Variants in NFYC observed in about 807,000 individuals in gnomAD.
NFYC encodes the protein CAAT box DNA-binding protein subunit C.
A neutral mutation model predicts 53.1 loss-of-function variants in NFYC; 25 were observed. The observed-to-expected ratio is 0.47, with a 90% CI of 0.34 to 0.66. NFYC has a LOEUF of 0.66. Ranked by LOEUF, NFYC falls within the 30% of genes least tolerant of loss-of-function variation. The pLI is 0.01. For missense variants in NFYC, 260 were observed against 422.7 expected (o/e 0.62, Z 3.38); for synonymous variants, 145 against 152.6 (o/e 0.95, Z 0.37).
intron 2 of NFYC, among the ~76,000 whole-genome samples, chr1:40,742,862 TCTGA>T (rs1362545378): frequency 6.6e-6 from 1 of 152,220 alleles, no homozygotes; most frequent in Non-Finnish European, 1.5e-5. Flanking sequence ...CATCTGCTTC[TCTGA>T]CTGCGCTGCT....
At chr1:40,769,461 G>T in intron 9 of NFYC, 46 bp downstream of exon 9, 1 of 1,548,872 alleles carries the variant, frequency 6.5e-7, no homozygotes, top group African/African-American at 1.4e-5. Context: ...GATTTGCGGG[G>T]CAGGGTAGCA....
At chr1:40,757,413 C>G (rs113261605) in intron 5 of NFYC, 1 of 524,110 alleles carries the variant, frequency 1.9e-6, no homozygotes, top group African/African-American at 1.9e-5. Flanking sequence ...CTCCGCAGAT[C>G]GGACAGAATG....
At chr1:40,752,269 T>A (rs1398289065) in intron 4 of NFYC, among the ~76,000 whole-genome samples, 1 of 152,230 alleles carries the variant, frequency 6.6e-6, no homozygotes, top group Non-Finnish European at 1.5e-5. Flanking sequence ...TTAAGTGCAT[T>A]GTAAAGTTTA....
intron 6 of NFYC, among the ~76,000 whole-genome samples, chr1:40,760,392 C>T (rs1334411353): frequency 6.6e-6 from 1 of 152,146 alleles, no homozygotes; most frequent in Non-Finnish European, 1.5e-5. Context: ...TATGGCAAGA[C>T]CTTGTCTCAA....
At chr1:40,755,683 T>C (rs1313901647) in intron 5 of NFYC, among the ~76,000 whole-genome samples, 1 of 152,234 alleles carries the variant, frequency 6.6e-6, no homozygotes, top group Non-Finnish European at 1.5e-5. Context: ...AGATATGCCT[T>C]CTTCCATTCC....
chr1:40,693,527 T>C (rs1557718267), intron 1 of NFYC, among the ~76,000 whole-genome samples: 1 of 152,252 alleles, frequency 6.6e-6, no homozygotes, highest in Admixed American at 6.5e-5. Context: ...GCAACTACAT[T>C]TTCTGGAGAA....
intron 2 of NFYC, among the ~76,000 whole-genome samples, chr1:40,740,312 A>G (rs1645272184): frequency 2.0e-5 from 3 of 152,238 alleles, no homozygotes; most frequent in South Asian, 2.1e-4. Context: ...AACTAAGGCT[A>G]TGCTAGATAC....
At chr1:40,720,572 T>TAAA (rs1229770228) in intron 1 of NFYC, among the ~76,000 whole-genome samples, 2 of 152,272 alleles carry the variant, frequency 1.3e-5, no homozygotes, top group East Asian at 3.9e-4. Flanking sequence ...CTTGGGGTCT[T>TAAA]AAAATAGTTC....
At chr1:40,729,821 G>A (rs1357226501) in intron 1 of NFYC, among the ~76,000 whole-genome samples, 3 of 151,740 alleles carry the variant, frequency 2.0e-5, no homozygotes, top group Non-Finnish European at 2.9e-5. Flanking sequence ...GATTACAGGC[G>A]CCCACTACCA....
At chr1:40,712,889 A>T (rs1643987222) in intron 1 of NFYC, 1 of 151,842 alleles carries the variant, frequency 6.6e-6, no homozygotes, top group Admixed American at 6.6e-5. Context: ...TTAAATACAG[A>T]CGGGGTCTTG....
At chr1:40,702,561 C>T (rs947805052) in intron 1 of NFYC, among the ~76,000 whole-genome samples, 4 of 152,056 alleles carry the variant, frequency 2.6e-5, no homozygotes, top group African/African-American at 9.7e-5. Flanking sequence ...CCAGGATGAT[C>T]TGGATCCCCT....
intron 6 of NFYC, among the ~76,000 whole-genome samples, chr1:40,760,146 G>A (rs993097877): frequency 6.6e-6 from 1 of 152,106 alleles, no homozygotes; most frequent in Non-Finnish European, 1.5e-5. Flanking sequence ...TTGTGGAGAT[G>A]GGGTCTCATT....
chr1:40,725,695 T>C (rs1249759324), intron 1 of NFYC, among the ~76,000 whole-genome samples: 1 of 152,192 alleles, frequency 6.6e-6, no homozygotes, highest in Admixed American at 6.5e-5. Flanking sequence ...ATATAACATC[T>C]TACAAACCTT....
intron 6 of NFYC, among the ~76,000 whole-genome samples, chr1:40,760,501 A>T: frequency 6.6e-6 from 1 of 152,128 alleles, no homozygotes; most frequent in East Asian, 1.9e-4. Flanking sequence ...TGGGCGGATC[A>T]CAAAGCCAGG....
At chr1:40,717,917 A>G (rs985503684) in intron 1 of NFYC, among the ~76,000 whole-genome samples, 1 of 152,252 alleles carries the variant, frequency 6.6e-6, no homozygotes, top group Non-Finnish European at 1.5e-5. Flanking sequence ...ATTACCAGGA[A>G]TGAGACTAGC....
chr1:40,769,661 A>G (rs1646987048), intron 9 of NFYC, among the ~76,000 whole-genome samples: 1 of 152,168 alleles, frequency 6.6e-6, no homozygotes, highest in South Asian at 2.1e-4. Flanking sequence ...AGTAAACTGA[A>G]CCCTGGAGAT....
rs535483255 is a variant in NFYC at position 40,770,142 on chromosome 1, G to T, written c.889-567G>T. Among the ~76,000 whole-genome samples the T allele has an allele frequency of 4.6e-5, 7 of 152,182 alleles. No homozygotes were observed. Among genetic ancestry groups the T allele is most frequent in the Non-Finnish European group, 1.0e-4 (7 of 68,026 alleles). ...CAATTAGCCCTGACCTTCCTAAGTG[G>T]CTGTGTGAGTATCTTCTCCACCCCT... On this transcript the variant is annotated intron_variant, in intron 9 of 9. Coordinates refer to ENST00000447388, the MANE Select transcript of NFYC (RefSeq NM_014223.5). This position sits in a 1 kb window ranked among gnomAD's most constrained non-coding sequence, Gnocchi z 5.3.
chr1:40,745,409 A>G (rs1645560885), intron 2 of NFYC, among the ~76,000 whole-genome samples: 2 of 152,192 alleles, frequency 1.3e-5, no homozygotes, highest in African/African-American at 2.4e-5. Context: ...ATGTAGTGTC[A>G]TCATCTTCTG....
chr1:40,707,286 G>A (rs1328185539), intron 1 of NFYC, among the ~76,000 whole-genome samples: 1 of 150,262 alleles, frequency 6.7e-6, no homozygotes, highest in Non-Finnish European at 1.5e-5. Flanking sequence ...TTGAGGTCAG[G>A]AGTTCAAGAC....
Sources: gnomAD v4.1 joint callset for allele counts (sites outside exome capture counted in the v4.1 genomes callset) on GRCh38, gnomAD v4.1.1 for gene constraint, Gnocchi (gnomAD v3.1) non-coding constraint, MANE v1.5 for transcripts, NCBI Gene and HGNC (gene_info 2026-07-23, HGNC 2026-07-21) for gene names.